SIDT1: variants seen among roughly 807,000 people sequenced by gnomAD.
SIDT1 encodes the protein SID1 transmembrane family, member 1.
A neutral mutation model predicts 107.5 loss-of-function variants in SIDT1; 101 were observed. That is an observed-to-expected ratio of 0.94 (90% confidence interval 0.80 to 1.11). The LOEUF (loss-of-function observed/expected upper bound fraction) is 1.11. Among genes scored for constraint, SIDT1 ranks in the 50% least tolerant of loss-of-function variants. The pLI, the probability that SIDT1 is intolerant of heterozygous loss-of-function variation, is 0.00. For missense variants in SIDT1, 1,076 were observed against 1,058.2 expected (o/e 1.02, Z -0.23); for synonymous variants, 395 against 398.2 (o/e 0.99, Z 0.10).
At chr3:113,571,007 C>T (rs1029701247) in intron 3 of SIDT1, among the ~76,000 whole-genome samples, 69 of 152,330 alleles carry the variant, frequency 4.5e-4, no homozygotes, top group African/African-American at 1.6e-3. Context: ...GTACTTCTGA[C>T]TCCCAGTTCT....
chr3:113,569,620 G>A (rs1942261446), intron 3 of SIDT1, among the ~76,000 whole-genome samples: 1 of 152,172 alleles, frequency 6.6e-6, no homozygotes, highest in Non-Finnish European at 1.5e-5. Context: ...TGGTCAGAAG[G>A]ATGGAGAAGG....
At chr3:113,604,363 G>A (rs1313025802) in intron 13 of SIDT1, among the ~76,000 whole-genome samples, 1 of 152,144 alleles carries the variant, frequency 6.6e-6, no homozygotes, top group Non-Finnish European at 1.5e-5. Context: ...GGAAATAAGG[G>A]ACAATGGGGC....
At chr3:113,592,925 G>A (rs1471712778) in intron 9 of SIDT1, 80 bp from the exon 10 acceptor site, 31 of 1,158,064 alleles carry the variant, frequency 2.7e-5, no homozygotes, top group African/African-American at 1.1e-4. Context: ...AGACAAATCC[G>A]CAACAAAATC....
rs191739842 is a variant in SIDT1 at position 113,578,156 on chromosome 3, G to A, written c.561+1189G>A. 2.1e-3 allele frequency among the ~76,000 whole-genome samples: 322 copies of A among 152,338 alleles called. 14 individuals carry two copies. Among genetic ancestry groups the A allele is most frequent in the Admixed American group, 0.021 (320 of 15,302 alleles). ...AAAAGCACTAATTACTAGGTGCAAA[G>A]AGAGAAACCTAAAGTAGAAGGGGAA... On this transcript the variant is annotated intron_variant, in intron 4 of 24. Transcript: ENST00000264852.
Position 113,628,936 on chromosome 3 carries a change from G to GTTCC in SIDT1, c.*1229_*1232dup, listed in dbSNP as rs1560157068. Reference sequence around the variant, plus strand: ...AGGTGTTGGCAAGCTCAGCATCTGGGTTCCACTCTCACACTGTCTGGCAGC... The same window carrying GTTCC: ...AGGTGTTGGCAAGCTCAGCATCTGGGTTCCTTCCACTCTCACACTGTCTGGCAGC... On this transcript the variant is annotated 3_prime_UTR_variant, in exon 25 of 25. Coordinates refer to ENST00000264852, the MANE Select transcript of SIDT1 (RefSeq NM_017699.3). 1.3e-5 allele frequency: 2 copies of GTTCC among 152,180 alleles called. No homozygotes were observed. Among genetic ancestry groups the GTTCC allele is most frequent in the African/African-American group, 4.8e-5 (2 of 41,436 alleles). The allele number at this position is 152,180 out of a possible 1,614,324, so 9.4% of individuals were successfully genotyped here. A position where few individuals can be genotyped will look rare whatever the true frequency, so the allele number is the denominator to read the frequency against.
chr3:113,608,068 T>G (rs752991852), intron 15 of SIDT1, 26 bp from the exon 16 acceptor site: 2 of 1,551,316 alleles, frequency 1.3e-6, no homozygotes, highest in Middle Eastern at 1.7e-4. Context: ...CTTGACTCTC[T>G]CATGGTCTCT....
intron 1 of SIDT1, among the ~76,000 whole-genome samples, chr3:113,537,502 C>T (rs536254757): frequency 1.3e-5 from 2 of 152,326 alleles, no homozygotes; most frequent in African/African-American, 2.4e-5. Flanking sequence ...TATAGGAATG[C>T]TTACTCTTTA....
At position 113,619,601 on chromosome 3, in the gene SIDT1, T is replaced by G. The variant is rs1946322451; in HGVS notation, c.2044-79T>G. ...CACCAATGCAATTGTTTTCCCATAG[T>G]TGATACTTCTACACAGTAGGTTAAA... is the stretch of plus-strand genomic sequence containing the variant. On this transcript the variant is annotated intron_variant, in intron 20 of 24. Coordinates refer to ENST00000264852, the MANE Select transcript of SIDT1 (RefSeq NM_017699.3). 6.0e-5 allele frequency: 74 copies of G among 1,233,400 alleles called. No individual in the cohort carries two copies. The South Asian group carries it at 9.2e-4, about 15-fold the overall frequency. The allele number at this position is 1,233,400 out of a possible 1,614,324, so 76.4% of individuals were successfully genotyped here. A position where few individuals can be genotyped will look rare whatever the true frequency, so the allele number is the denominator to read the frequency against.
At position 113,539,435 on chromosome 3, in the gene SIDT1, A is replaced by G. The variant is rs116032449; in HGVS notation, c.222+6192A>G. Among the ~76,000 whole-genome samples, 361 of 152,274 alleles carry G rather than the reference A, an allele frequency of 2.4e-3. 1 individual carries two copies. The highest frequency in any genetic ancestry group is 8.2e-3 in the African/African-American group (341 of 41,548). On this transcript the variant is annotated intron_variant, in intron 1 of 24. Transcript: ENST00000264852. ...CCAGTCATTTCTGCAGGAAGGTCCA[A>G]GTCTATTCCTTGGAGCAATAGAGTT...
At chr3:113,600,225 G>A (rs566701341) in intron 10 of SIDT1, among the ~76,000 whole-genome samples, 2 of 152,046 alleles carry the variant, frequency 1.3e-5, no homozygotes, top group South Asian at 2.1e-4. Context: ...CAGGAGAATC[G>A]CTTGAACCCG....
chr3:113,607,877 G>A (rs1414538693), intron 15 of SIDT1, among the ~76,000 whole-genome samples: 1 of 152,194 alleles, frequency 6.6e-6, no homozygotes, highest in Non-Finnish European at 1.5e-5. Flanking sequence ...AGGCACCCTT[G>A]AGAGGAAACA....
intron 3 of SIDT1, among the ~76,000 whole-genome samples, chr3:113,568,244 A>G (rs1390975995): frequency 1.3e-5 from 2 of 152,090 alleles, no homozygotes; most frequent in Non-Finnish European, 2.9e-5. Flanking sequence ...AGATTTGGAC[A>G]CTTCACTAAA....
intron 20 of SIDT1, among the ~76,000 whole-genome samples, chr3:113,616,972 G>A (rs1560134915): frequency 6.6e-6 from 1 of 152,128 alleles, no homozygotes; most frequent in African/African-American, 2.4e-5. Context: ...ACAGACGTGA[G>A]CCACCGTGCC....
intron 3 of SIDT1, among the ~76,000 whole-genome samples, chr3:113,569,165 C>A: frequency 7.3e-6 from 1 of 136,614 alleles, no homozygotes. Flanking sequence ...AAAAAGGAAG[C>A]CAGACAAAAG....
rs968359038 is a variant in SIDT1, at chr3:113,605,905, G to C, written c.1404+929G>C. Among the ~76,000 whole-genome samples, 8 of 151,944 alleles carry C rather than the reference G, an allele frequency of 5.3e-5. No homozygotes were observed. The East Asian group carries it at 1.5e-3, about 29-fold the overall frequency. On this transcript the variant is annotated intron_variant, in intron 14 of 24. Transcript: ENST00000264852. Reference sequence around the variant, plus strand: ...TGTGGTCCCAGCTACTCGGGAGGCTGAAGTGGGAGGATTGCTTGAGCCTGT... The same window carrying C: ...TGTGGTCCCAGCTACTCGGGAGGCTCAAGTGGGAGGATTGCTTGAGCCTGT...
intron 1 of SIDT1, among the ~76,000 whole-genome samples, chr3:113,558,554 C>T (rs1047971492): frequency 6.6e-6 from 1 of 152,188 alleles, no homozygotes; most frequent in African/African-American, 2.4e-5. Context: ...GAAAGACAGA[C>T]TTACTGCCTG....
At chr3:113,600,164 G>A (rs780409796) in intron 10 of SIDT1, among the ~76,000 whole-genome samples, 3 of 151,866 alleles carry the variant, frequency 2.0e-5, no homozygotes, top group Non-Finnish European at 2.9e-5. Flanking sequence ...ACAAAAATTA[G>A]CCAGTTGTGG....
intron 24 of SIDT1, 65 bp downstream of exon 24, chr3:113,626,280 C>G (rs967692264): frequency 9.2e-7 from 1 of 1,091,514 alleles, no homozygotes; most frequent in African/African-American, 1.6e-5. Context: ...TCTTTTTCTT[C>G]TGCTCTTCCT....
intron 15 of SIDT1, among the ~76,000 whole-genome samples, chr3:113,607,405 C>G (rs1233009064): frequency 2.0e-5 from 3 of 152,198 alleles, no homozygotes; most frequent in Non-Finnish European, 4.4e-5. Flanking sequence ...AGCTGGCAAC[C>G]TATTGTCTCA....
Sources: allele counts gnomAD v4.1 joint callset (sites outside exome capture counted in the v4.1 genomes callset), GRCh38; gene constraint gnomAD v4.1.1; transcripts MANE v1.5; gene names NCBI Gene and HGNC (gene_info 2026-07-23, HGNC 2026-07-21).